KCNJ6: variants seen among roughly 807,000 people sequenced by gnomAD.
KCNJ6 encodes G protein-activated inward rectifier potassium channel 2.
In KCNJ6, 9 loss-of-function variants were observed where a neutral mutation model predicts 34.2. The observed-to-expected ratio is 0.26, with a 90% CI of 0.16 to 0.46. KCNJ6 has a LOEUF of 0.46. Among genes scored for constraint, KCNJ6 ranks in the 20% least tolerant of loss-of-function variants. KCNJ6 has a pLI of 1.00. For missense variants in KCNJ6, 236 were observed against 531.3 expected, an observed-to-expected ratio of 0.44 and a Z score of 5.46; for synonymous variants, 196 against 207.1, an observed-to-expected ratio of 0.95 and a Z score of 0.46.
rs577901047 is a variant in KCNJ6, at chr21:37,737,606, G to A, written c.26-22475C>T. Among the ~76,000 whole-genome samples the A allele has an allele frequency of 2.0e-5, 3 of 152,330 alleles. No individual in the cohort carries two copies. The East Asian group carries it at 5.8e-4, about 29-fold the overall frequency. ...CTGGAAGGAAAATATCCGGAAAGAG[G>A]ACTTGATTCCCTTCTGCCCAGTCAT... is the stretch of plus-strand genomic sequence containing the variant. On this transcript the variant is annotated intron_variant, in intron 2 of 3. Coordinates refer to ENST00000609713, the MANE Select transcript of KCNJ6 (RefSeq NM_002240.5).
chr21:37,725,483 T>A (rs1169293914), intron 2 of KCNJ6, among the ~76,000 whole-genome samples: 1 of 152,198 alleles, frequency 6.6e-6, no homozygotes, highest in Non-Finnish European at 1.5e-5. Flanking sequence ...ACCCTAAGAT[T>A]CGCAAAATTT....
At chr21:37,711,734 T>A (rs915547388) in intron 3 of KCNJ6, among the ~76,000 whole-genome samples, 1 of 152,046 alleles carries the variant, frequency 6.6e-6, no homozygotes, top group Middle Eastern at 3.2e-3. Context: ...CTGAGTTGTA[T>A]GATTCCCCTG....
intron 1 of KCNJ6, among the ~76,000 whole-genome samples, chr21:37,879,146 C>A (rs749549432): frequency 4.6e-5 from 7 of 152,138 alleles, no homozygotes; most frequent in Non-Finnish European, 7.3e-5. Flanking sequence ...GAGCTGAGTA[C>A]TGAGTAATGG....
In KCNJ6 at chr21:37,689,580, G is replaced by A. The variant is rs148033076; in HGVS notation, c.946+24631C>T. Among the ~76,000 whole-genome samples the A allele has an allele frequency of 2.6e-3, 400 of 151,952 alleles. 1 individual carries two copies. The highest frequency in any genetic ancestry group is 9.1e-3 in the African/African-American group (378 of 41,428). ...CAGTCCTCATTCTTAATACATACTA[G>A]GCACTCAGTAAATTTCTATCTTCTC... On this transcript the variant is annotated intron_variant, in intron 3 of 3. Transcript: ENST00000609713.
rs1470796465 is a variant in KCNJ6, at chr21:37,618,783, C to T, written c.*6376G>A. The T allele has an allele frequency of 6.6e-6, 1 of 152,172 alleles. No individual in the cohort carries two copies. The highest frequency in any genetic ancestry group is 6.5e-5 in the Admixed American group (1 of 15,272). The allele number at this position is 152,172 out of a possible 1,614,324, so 9.4% of individuals were successfully genotyped here. A position where few individuals can be genotyped will look rare whatever the true frequency, so the allele number is the denominator to read the frequency against. Reference sequence around the variant, plus strand: ...TCCATCACTTAATCATGTTGACCACCCCAGTGAAATATTTTTGTGTGCCTT... The same window carrying T: ...TCCATCACTTAATCATGTTGACCACTCCAGTGAAATATTTTTGTGTGCCTT... On this transcript the variant is annotated 3_prime_UTR_variant, in exon 4 of 4. Coordinates refer to ENST00000609713, the MANE Select transcript of KCNJ6 (RefSeq NM_002240.5).
At chr21:37,667,219 C>T (rs1320354056) in intron 3 of KCNJ6, among the ~76,000 whole-genome samples, 1 of 140,086 alleles carries the variant, frequency 7.1e-6, no homozygotes, top group Non-Finnish European at 1.5e-5. Context: ...TGTCCAGACC[C>T]AAACTGGATA....
rs1160660455 is a variant in KCNJ6 at position 37,621,086 on chromosome 21, A to G, written c.*4073T>C. On this transcript the variant is annotated 3_prime_UTR_variant, in exon 4 of 4. Transcript: ENST00000609713. ...ATGTATATGTTACCTATGTTTTTCA[A>G]TGTTAAAGCCATCCATTGAAAGGAA... 2 of 152,196 alleles carry G rather than the reference A, an allele frequency of 1.3e-5. No individual in the cohort carries two copies. The highest frequency in any genetic ancestry group is 2.9e-5 in the Non-Finnish European group (2 of 68,028). The allele number at this position is 152,196 out of a possible 1,614,324, so 9.4% of individuals were successfully genotyped here.
In KCNJ6 at chr21:37,622,841, A is replaced by C. The variant is rs1055762759; in HGVS notation, c.*2318T>G. On this transcript the variant is annotated 3_prime_UTR_variant, in exon 4 of 4. Transcript: ENST00000609713. ...GCAATGGAATTAAAAAGGCCCAGTG[A>C]GTCTTCAAGAGCTAAATTAGAAGAC... is the stretch of plus-strand genomic sequence containing the variant. 5 of 152,200 alleles carry C rather than the reference A, an allele frequency of 3.3e-5. No homozygotes were observed. The highest frequency in any genetic ancestry group is 9.7e-5 in the African/African-American group (4 of 41,442). 9.4% of individuals were successfully genotyped at this position (152,200 alleles called of 1,614,324 possible).
intron 3 of KCNJ6, among the ~76,000 whole-genome samples, chr21:37,704,418 C>T (rs769782736): frequency 2.7e-4 from 41 of 152,116 alleles, no homozygotes; most frequent in Non-Finnish European, 5.0e-4. Flanking sequence ...TGGGCCAATG[C>T]GAATGGAGCC....
chr21:37,879,605 C>T (rs1179038097), intron 1 of KCNJ6, among the ~76,000 whole-genome samples: 1 of 151,868 alleles, frequency 6.6e-6, no homozygotes, highest in Non-Finnish European at 1.5e-5. Flanking sequence ...TAACATTGCT[C>T]TCTTCCCCGG....
chr21:37,662,335 T>C (rs2054493321), intron 3 of KCNJ6, among the ~76,000 whole-genome samples: 2 of 152,214 alleles, frequency 1.3e-5, no homozygotes, highest in South Asian at 2.1e-4. Context: ...CTTCCACTTA[T>C]AAGTGAGAAC....
At chr21:37,856,455 T>C (rs981565489) in intron 1 of KCNJ6, among the ~76,000 whole-genome samples, 6 of 152,212 alleles carry the variant, frequency 3.9e-5, no homozygotes, top group African/African-American at 1.4e-4. Flanking sequence ...TCTCTGTTCC[T>C]GGTTCTCTAT....
intron 3 of KCNJ6, among the ~76,000 whole-genome samples, chr21:37,635,129 G>A (rs2054351773): frequency 6.6e-6 from 1 of 152,210 alleles, no homozygotes; most frequent in Non-Finnish European, 1.5e-5. Context: ...GGTGAGAAAG[G>A]AATATAGAAG....
chr21:37,692,973 A>C (rs1027098861), intron 3 of KCNJ6, among the ~76,000 whole-genome samples: 1 of 152,168 alleles, frequency 6.6e-6, no homozygotes, highest in Non-Finnish European at 1.5e-5. Context: ...GCCACAAAGA[A>C]ACTCATTCTG....
At chr21:37,667,413 T>G (rs1441662494) in intron 3 of KCNJ6, among the ~76,000 whole-genome samples, 1 of 152,044 alleles carries the variant, frequency 6.6e-6, no homozygotes, top group East Asian at 1.9e-4. Flanking sequence ...CAGCTAAGCC[T>G]AGGGTCAGTC....
chr21:37,877,301 A>T (rs2055683817), intron 1 of KCNJ6, among the ~76,000 whole-genome samples: 1 of 152,174 alleles, frequency 6.6e-6, no homozygotes, highest in Admixed American at 6.5e-5. Flanking sequence ...TGCCAAAGGT[A>T]TTATCTGCAG....
intron 1 of KCNJ6, among the ~76,000 whole-genome samples, chr21:37,899,834 G>A (rs2836043): frequency 0.085 from 12,965 of 152,212 alleles, 736 homozygotes; most frequent in East Asian, 0.27. Flanking sequence ...TTAATGACTG[G>A]GACATTATTG....
At chr21:37,711,798 C>T (rs117735651) in intron 3 of KCNJ6, among the ~76,000 whole-genome samples, 1,466 of 70,754 alleles carry the variant, frequency 0.021, 22 homozygotes, top group African/African-American at 0.11. Context: ...CTTTCTAGAA[C>T]CCCCCCCCCA....
At chr21:37,906,141 GTTTA>G (rs2055840405) in intron 1 of KCNJ6, among the ~76,000 whole-genome samples, 1 of 152,216 alleles carries the variant, frequency 6.6e-6, no homozygotes, top group Admixed American at 6.5e-5. Context: ...ATACTAAGCA[GTTTA>G]TTTAAATAAC....
Sources: gnomAD v4.1 joint callset for allele counts (sites outside exome capture counted in the v4.1 genomes callset) on GRCh38, gnomAD v4.1.1 for gene constraint, MANE v1.5 for transcripts, NCBI Gene and HGNC (gene_info 2026-07-23, HGNC 2026-07-21) for gene names.